NDST4: variants seen among roughly 807,000 people sequenced by gnomAD.
NDST4 encodes N-heparan sulfate sulfotransferase 4.
In NDST4, 63 loss-of-function variants were observed where a neutral mutation model predicts 100.8. That is an observed-to-expected ratio of 0.62 (90% confidence interval 0.51 to 0.77). The LOEUF is 0.77. Among genes scored for constraint, NDST4 ranks in the 30% least tolerant of loss-of-function variants. NDST4 has a pLI of 0.00. For synonymous variants in NDST4, 377 were observed against 361.8 expected, an observed-to-expected ratio of 1.04 and a Z score of -0.48; for missense variants, 943 against 1,018.4, an observed-to-expected ratio of 0.93 and a Z score of 1.01.
At chr4:115,094,149 A>G (rs1173834466) in intron 1 of NDST4, among the ~76,000 whole-genome samples, 3 of 151,544 alleles carry the variant, frequency 2.0e-5, no homozygotes, top group African/African-American at 7.2e-5. Flanking sequence ...AAGTTATTAA[A>G]TATTTTAATC....
chr4:114,893,588 G>GT (rs527341778), intron 6 of NDST4, among the ~76,000 whole-genome samples: 2,115 of 147,736 alleles, frequency 0.014, 54 homozygotes, highest in African/African-American at 0.046. Flanking sequence ...TTTCTGATGT[G>GT]TTTTTTTTTT....
At chr4:114,865,397 G>C (rs1162626956) in intron 7 of NDST4, among the ~76,000 whole-genome samples, 2 of 152,048 alleles carry the variant, frequency 1.3e-5, no homozygotes, top group Admixed American at 6.6e-5. Context: ...GTGTACTTTT[G>C]AACATAGTCC....
intron 2 of NDST4, among the ~76,000 whole-genome samples, chr4:115,051,230 G>T (rs1728575446): frequency 6.6e-6 from 1 of 151,728 alleles, no homozygotes. Context: ...AAATTTCAGT[G>T]TCTTCATCTC....
chr4:115,092,417 G>A (rs1456340423), intron 1 of NDST4, among the ~76,000 whole-genome samples: 6 of 152,020 alleles, frequency 3.9e-5, no homozygotes, highest in South Asian at 4.1e-4. Context: ...TTTCTCAAAC[G>A]TAAGAAGCAT....
chr4:114,859,412 C>A (rs1277427916), intron 7 of NDST4, among the ~76,000 whole-genome samples: 1 of 152,172 alleles, frequency 6.6e-6, no homozygotes, highest in Non-Finnish European at 1.5e-5. Context: ...TTATAAATTT[C>A]CCCAGGCAGG....
At chr4:114,969,897 C>G (rs1560836519) in intron 4 of NDST4, among the ~76,000 whole-genome samples, 1 of 152,190 alleles carries the variant, frequency 6.6e-6, no homozygotes. Context: ...ACACTGCTTT[C>G]CACAATGGCT....
intron 2 of NDST4, 59 bp downstream of exon 2, chr4:115,075,990 TATTAGTAATA>T: frequency 1.3e-6 from 2 of 1,484,358 alleles, no homozygotes; most frequent in Non-Finnish European, 1.8e-6. Context: ...TAATCTATCA[TATTAGTAATA>T]TTTTATCGGT....
intron 2 of NDST4, among the ~76,000 whole-genome samples, chr4:114,980,762 AT>A (rs1296329420): frequency 6.6e-6 from 1 of 152,166 alleles, no homozygotes; most frequent in Non-Finnish European, 1.5e-5. Context: ...TGGTTTTGAA[AT>A]TTTTTCTTTT....
rs113238078 is a variant in NDST4, at chr4:114,889,847, T to G, written c.1537-18897A>C. Among the ~76,000 whole-genome samples the G allele has an allele frequency of 6.5e-3, 986 of 152,226 alleles. 9 individuals carry two copies. The highest frequency in any genetic ancestry group is 0.023 in the African/African-American group (950 of 41,542). ...TTTATTTTCCCAGAGCCTCAGAGAC[T>G]CCATCTGTAAACTGGGGAAAATGAT... On this transcript the variant is annotated intron_variant, in intron 6 of 13. Coordinates refer to ENST00000264363, the MANE Select transcript of NDST4 (RefSeq NM_022569.3).
At chr4:115,038,065 G>A (rs1304290450) in intron 2 of NDST4, among the ~76,000 whole-genome samples, 1 of 152,160 alleles carries the variant, frequency 6.6e-6, no homozygotes, top group African/African-American at 2.4e-5. Context: ...CATTTTGTGA[G>A]TTTAGAATCA....
intron 7 of NDST4, among the ~76,000 whole-genome samples, chr4:114,860,922 A>C (rs1723906039): frequency 6.6e-6 from 1 of 152,230 alleles, no homozygotes; most frequent in African/African-American, 2.4e-5. Context: ...TTAGTGATAT[A>C]GTTGATTTCT....
intron 2 of NDST4, among the ~76,000 whole-genome samples, chr4:114,986,011 A>G (rs759779565): frequency 8.5e-5 from 13 of 152,222 alleles, no homozygotes; most frequent in Non-Finnish European, 1.9e-4. Context: ...AGTTTCAGGA[A>G]CTAACTGCAC....
chr4:114,921,359 C>G (rs1336619427), intron 6 of NDST4, among the ~76,000 whole-genome samples: 1 of 152,038 alleles, frequency 6.6e-6, no homozygotes, highest in Non-Finnish European at 1.5e-5. Flanking sequence ...GTTTCAGAAG[C>G]AAAACATGTA....
intron 11 of NDST4, 28 bp from the exon 12 acceptor site, chr4:114,833,743 G>T: frequency 6.8e-7 from 1 of 1,472,494 alleles, no homozygotes; most frequent in Non-Finnish European, 9.4e-7. Context: ...GTCACTTTAT[G>T]AAGAAAAAAA....
At chr4:114,865,311 C>T (rs925567568) in intron 7 of NDST4, among the ~76,000 whole-genome samples, 3 of 152,120 alleles carry the variant, frequency 2.0e-5, no homozygotes, top group African/African-American at 7.2e-5. Context: ...GATCTGCCTG[C>T]CTCGGCCTCC....
In NDST4 at chr4:115,067,083, G is replaced by A. The variant is rs150512652; in HGVS notation, c.978+8976C>T. 3.5e-3 allele frequency among the ~76,000 whole-genome samples: 535 copies of A among 152,196 alleles called. 3 individuals carry two copies. Among genetic ancestry groups the A allele is most frequent in the African/African-American group, 0.012 (509 of 41,552 alleles). On this transcript the variant is annotated intron_variant, in intron 2 of 13. Transcript: ENST00000264363. ...TAAATGCTCATTCCCGCAAGCCCGG[G>A]CCATTGCCCAGGTCTTATGCTACAC...
In NDST4 at chr4:114,970,409, AC is replaced by A; in HGVS notation, c.1221+20del. 6.3e-7 allele frequency: 1 copy of A among 1,599,328 alleles called. No homozygotes were observed. The highest frequency in any genetic ancestry group is 1.7e-4 in the Middle Eastern group (1 of 5,882). The stretch of plus-strand genomic sequence containing the variant: ...GATCACAACTTATAGTTCAAAAGAT[AC>A]CACAATAAAATGTGCTCACCAGTGC... On this transcript the variant is annotated intron_variant, in intron 4 of 13. Coordinates refer to ENST00000264363, the MANE Select transcript of NDST4 (RefSeq NM_022569.3).
rs575572249 is a variant in NDST4 at position 114,866,207 on chromosome 4, C to T, written c.1719+4561G>A. On this transcript the variant is annotated intron_variant, in intron 7 of 13. Transcript: ENST00000264363. ...TTCTCAGTCTCACTCACTCCTACTT[C>T]GAAGGTCTTGCTTTTCACAACCATG... Among the ~76,000 whole-genome samples, 11 of 152,314 alleles carry T rather than the reference C, an allele frequency of 7.2e-5. No homozygotes were observed. In the East Asian group the frequency reaches 9.7e-4, roughly 13 times the overall value.
intron 1 of NDST4, among the ~76,000 whole-genome samples, chr4:115,083,498 T>C (rs1005287340): frequency 6.6e-6 from 1 of 152,120 alleles, no homozygotes; most frequent in Admixed American, 6.6e-5. Context: ...AATTATTATA[T>C]AAACATTTAA....
Sources: gnomAD v4.1 joint callset for allele counts (sites outside exome capture counted in the v4.1 genomes callset) on GRCh38, gnomAD v4.1.1 for gene constraint, MANE v1.5 for transcripts, NCBI Gene and HGNC (gene_info 2026-07-23, HGNC 2026-07-21) for gene names.